TRIO: variants seen among roughly 807,000 people sequenced by gnomAD.
TRIO encodes the protein triple functional domain protein.
In TRIO, 58 loss-of-function variants were observed where a neutral mutation model predicts 351.9. The ratio of observed to expected loss-of-function variants is 0.16; its 90% CI spans 0.13 to 0.21. The LOEUF is 0.21. TRIO is among the 10% of genes least tolerant of loss of function. The pLI is 1.00. For missense variants in TRIO, 3,201 were observed against 4,027.8 expected, an observed-to-expected ratio of 0.79 and a Z score of 5.56; for synonymous variants, 1,758 against 1,595.7, an observed-to-expected ratio of 1.10 and a Z score of -2.42.
At chr5:14,278,419 G>A (rs1439209813) in intron 2 of TRIO, among the ~76,000 whole-genome samples, 2 of 152,144 alleles carry the variant, frequency 1.3e-5, no homozygotes, top group Non-Finnish European at 2.9e-5. Context: ...GGTCCCTATG[G>A]AATCAAACAT....
chr5:14,204,508 T>C (rs941628272), intron 1 of TRIO, among the ~76,000 whole-genome samples: 2 of 152,174 alleles, frequency 1.3e-5, no homozygotes, highest in Non-Finnish European at 2.9e-5. Context: ...ACTAACATTG[T>C]ATGGTCAGTG....
intron 19 of TRIO, among the ~76,000 whole-genome samples, chr5:14,374,890 G>A (rs547156477): frequency 1.4e-4 from 21 of 152,118 alleles, no homozygotes; most frequent in African/African-American, 4.1e-4. Flanking sequence ...CTGGGAAAAC[G>A]TATACTAAAT....
chr5:14,323,282 A>C (rs1408861312), intron 9 of TRIO, among the ~76,000 whole-genome samples: 1 of 152,174 alleles, frequency 6.6e-6, no homozygotes. Flanking sequence ...TCCAGGTAAT[A>C]AAAGCAAGCC....
intron 34 of TRIO, among the ~76,000 whole-genome samples, chr5:14,458,246 T>C (rs1561514427): frequency 6.6e-6 from 1 of 152,172 alleles, no homozygotes; most frequent in African/African-American, 2.4e-5. Context: ...GCTGTTTCTT[T>C]AGACTGTTGA....
At chr5:14,147,105 CCTT>C (rs1176729252) in intron 1 of TRIO, among the ~76,000 whole-genome samples, 1 of 152,132 alleles carries the variant, frequency 6.6e-6, no homozygotes, top group Non-Finnish European at 1.5e-5. Context: ...TCACTTTTCT[CCTT>C]TGCACAGAGC....
intron 1 of TRIO, among the ~76,000 whole-genome samples, chr5:14,238,168 A>C (rs557353780): frequency 6.6e-6 from 1 of 152,340 alleles, no homozygotes; most frequent in African/African-American, 2.4e-5. Context: ...TGATTTTAGT[A>C]GGAATAAAAG....
intron 3 of TRIO, among the ~76,000 whole-genome samples, chr5:14,281,429 C>T (rs1367180228): frequency 8.3e-6 from 1 of 121,202 alleles, no homozygotes; most frequent in Admixed American, 8.4e-5. Flanking sequence ...TTAGAACCCC[C>T]CCCCCCCGCC....
intron 54 of TRIO, 47 bp from the exon 55 acceptor site, chr5:14,504,346 C>G (rs759584448): frequency 6.2e-7 from 1 of 1,601,544 alleles, no homozygotes; most frequent in Admixed American, 1.7e-5. Context: ...TTCTCGGTGC[C>G]AGACCTCAGC....
At chr5:14,302,781 A>G (rs1738014901) in intron 7 of TRIO, among the ~76,000 whole-genome samples, 2 of 152,250 alleles carry the variant, frequency 1.3e-5, no homozygotes, top group Admixed American at 1.3e-4. Context: ...CATCCTCTGC[A>G]TTCCCTGCTA....
chr5:14,250,432 G>A (rs1266931155), intron 1 of TRIO, among the ~76,000 whole-genome samples: 1 of 152,262 alleles, frequency 6.6e-6, no homozygotes. Context: ...CTGAACTGCA[G>A]TGGGAGCTTT....
intron 8 of TRIO, among the ~76,000 whole-genome samples, chr5:14,315,476 C>T (rs1739304283): frequency 6.6e-6 from 1 of 152,128 alleles, no homozygotes; most frequent in South Asian, 2.1e-4. Flanking sequence ...TGGTCTCGAT[C>T]TCTTGACCTT....
In TRIO at chr5:14,487,697, G is replaced by C; in HGVS notation, c.7069G>C (p.Ala2357Pro). 2 of 1,440,172 alleles carry C rather than the reference G, an allele frequency of 1.4e-6. No homozygotes were observed. The highest frequency in any genetic ancestry group is 1.8e-6 in the Non-Finnish European group (2 of 1,087,300). The allele number at this position is 1,440,172 out of a possible 1,614,324, so 89.2% of individuals were successfully genotyped here. Residue 2357 changes from alanine to proline, a missense_variant, in exon 48 of 57, where the codon GCC (alanine) becomes CCC (proline). Physicochemically the swap from Ala to Pro is conservative, Grantham distance 27. Coordinates refer to ENST00000344204, the MANE Select transcript of TRIO (RefSeq NM_007118.4). The part of the protein sequence containing the change: ...HHPPVLVSSA[A>P]SSQAEADKMS... ...CCCCCCCGTGCTGGTCTCCTCTGCA[G>C]CCTCGAGCCAGGCAGAGGCAGACAA...
chr5:14,399,325 G>A (rs1409275560), intron 30 of TRIO: 2 of 461,966 alleles, frequency 4.3e-6, no homozygotes, highest in African/African-American at 2.0e-5. Flanking sequence ...TGCAGGATAA[G>A]AAAACATTTC....
chr5:14,189,007 G>A (rs1285455844), intron 1 of TRIO, among the ~76,000 whole-genome samples: 1 of 152,158 alleles, frequency 6.6e-6, no homozygotes, highest in African/African-American at 2.4e-5. Flanking sequence ...TTAAATGTTG[G>A]TCTTGAGTTT....
chr5:14,397,487 A>G (rs756269920), intron 29 of TRIO: 3 of 213,184 alleles, frequency 1.4e-5, no homozygotes, highest in Admixed American at 1.0e-4. Context: ...CCAGGACTGT[A>G]AAATCCTTAA....
At chr5:14,403,326 T>G in intron 31 of TRIO, among the ~76,000 whole-genome samples, 1 of 111,804 alleles carries the variant, frequency 8.9e-6, no homozygotes, top group Non-Finnish European at 1.7e-5. Context: ...GTGGTGAGGG[T>G]GTAGGTTGTG....
Position 14,487,609 on chromosome 5 carries a change from C to T in TRIO, c.6981C>T (p.Cys2327=). Residue 2327 remains cysteine (C), a synonymous_variant, in exon 48 of 57, where the codon TGC becomes TGT. Coordinates refer to ENST00000344204, the MANE Select transcript of TRIO (RefSeq NM_007118.4). ...GCCACAGTGGCGGCCCCAGCAGCTG[C>T]GGCGGCGCCCCCAGCACGAGCAGGA... ...GSGHSGGPSS[C]GGAPSTSRSR... is the part of the protein sequence containing the mutation. 3.4e-6 allele frequency: 4 copies of T among 1,175,886 alleles called. No homozygotes were observed. Among genetic ancestry groups the T allele is most frequent in the Non-Finnish European group, 4.2e-6 (4 of 943,364 alleles). 72.8% of individuals were successfully genotyped at this position (1,175,886 alleles called of 1,614,324 possible).
chr5:14,493,795 A>G (rs1276087513), intron 49 of TRIO, among the ~76,000 whole-genome samples: 1 of 152,256 alleles, frequency 6.6e-6, no homozygotes, highest in East Asian at 1.9e-4. Flanking sequence ...GCTAAATTGT[A>G]AATGCAAAGG....
intron 38 of TRIO, 63 bp from the exon 39 acceptor site, chr5:14,472,529 A>G: frequency 6.3e-7 from 1 of 1,576,342 alleles, no homozygotes; most frequent in Non-Finnish European, 8.7e-7. Context: ...GACCAGGAGC[A>G]AAGGTACAAA....
Sources: gnomAD v4.1 joint callset for allele counts (sites outside exome capture counted in the v4.1 genomes callset) on GRCh38, gnomAD v4.1.1 for gene constraint, MANE v1.5 for transcripts, NCBI Gene and HGNC (gene_info 2026-07-23, HGNC 2026-07-21) for gene names.